Variants in EHBP1 observed in about 807,000 individuals in gnomAD.
The protein encoded by EHBP1 is EH domain binding protein 1, also known as EH domain-binding protein 1.
EHBP1 carries 55 observed loss-of-function variants against 144.0 expected under a neutral mutation model. The ratio of observed to expected loss-of-function variants is 0.38; its 90% CI spans 0.31 to 0.48. EHBP1 has a LOEUF of 0.48. Among genes scored for constraint, EHBP1 ranks in the 20% least tolerant of loss-of-function variants. The pLI is 0.98. For missense variants in EHBP1, 1,200 were observed against 1,364.2 expected (o/e 0.88, Z 1.90); for synonymous variants, 469 against 472.7 (o/e 0.99, Z 0.10).
chr2:62,820,742 ATATAT>A (rs2045910800), intron 5 of EHBP1, among the ~76,000 whole-genome samples: 7 of 45,388 alleles, frequency 1.5e-4, no homozygotes, highest in East Asian at 3.4e-3. Flanking sequence ...TGTATAATAT[ATATAT>A]ATATATATAT....
chr2:62,986,639 A>G (rs1035388135), intron 15 of EHBP1, among the ~76,000 whole-genome samples: 4 of 151,856 alleles, frequency 2.6e-5, no homozygotes, highest in African/African-American at 9.7e-5. Context: ...GGGTTTCACC[A>G]TGTTGGCCAG....
At chr2:62,938,469 T>G (rs952933326) in intron 10 of EHBP1, among the ~76,000 whole-genome samples, 10 of 152,120 alleles carry the variant, frequency 6.6e-5, no homozygotes, top group Admixed American at 2.6e-4. Context: ...TTTAAGAAAA[T>G]TTGCAAGTTA....
rs369331189 is a variant in EHBP1 at position 62,854,937 on chromosome 2, C to T, written c.635-4232C>T. 2.6e-5 allele frequency among the ~76,000 whole-genome samples: 4 copies of T among 152,286 alleles called. No homozygotes were observed. In the East Asian group the frequency reaches 7.7e-4, roughly 29 times the overall value. ...ATCTGCCCAAGCCGTGCTGCAGACC[C>T]AGGTACCCCTCTATTCTTGGACCCT... On this transcript the variant is annotated intron_variant, in intron 7 of 22. Transcript: ENST00000431489.
chr2:62,792,784 G>C (rs535453392), intron 5 of EHBP1, among the ~76,000 whole-genome samples: 1 of 152,112 alleles, frequency 6.6e-6, no homozygotes, highest in South Asian at 2.1e-4. Flanking sequence ...TATACTTAGA[G>C]TGAGATATTT....
rs556516172 is a variant in EHBP1 at position 62,764,123 on chromosome 2, A to G, written c.163-143A>G. ...GATTAAGCATTTTTGTTTCAGGGATACTACATAGGGTCAATATACCATTGT... is the reference window on the plus strand; with the variant it reads ...GATTAAGCATTTTTGTTTCAGGGATGCTACATAGGGTCAATATACCATTGT... On this transcript the variant is annotated intron_variant, in intron 3 of 22. Coordinates refer to ENST00000431489, the MANE Select transcript of EHBP1 (RefSeq NM_001142616.3). The G allele has an allele frequency of 2.9e-5, 16 of 546,556 alleles. 1 individual carries two copies. The highest frequency in any genetic ancestry group is 2.6e-4 in the African/African-American group (13 of 50,436). 33.9% of individuals were successfully genotyped at this position (546,556 alleles called of 1,614,324 possible).
At chr2:62,829,773 A>C (rs1173411016) in intron 6 of EHBP1, among the ~76,000 whole-genome samples, 2 of 147,254 alleles carry the variant, frequency 1.4e-5, no homozygotes, top group Non-Finnish European at 3.0e-5. Flanking sequence ...CATATATACT[A>C]TTATATATAT....
intron 14 of EHBP1, among the ~76,000 whole-genome samples, chr2:62,962,526 G>A (rs1054571333): frequency 2.0e-5 from 3 of 152,114 alleles, no homozygotes; most frequent in Non-Finnish European, 1.5e-5. Flanking sequence ...TACACTCTAA[G>A]CAAAATAAAG....
At chr2:62,786,150 T>C (rs569428178) in intron 5 of EHBP1, among the ~76,000 whole-genome samples, 109 of 152,352 alleles carry the variant, frequency 7.2e-4, no homozygotes, top group African/African-American at 2.5e-3. Context: ...GTTCTGGCTT[T>C]GAAATCTCTC....
intron 14 of EHBP1, among the ~76,000 whole-genome samples, chr2:62,970,053 C>T (rs1385923951): frequency 6.6e-6 from 1 of 150,620 alleles, no homozygotes; most frequent in Non-Finnish European, 1.5e-5. Flanking sequence ...TGAGTGGGCA[C>T]ACTTTGGTAA....
In EHBP1 at chr2:62,777,333, A is replaced by G. The variant is rs182909380; in HGVS notation, c.312+5941A>G. Among the ~76,000 whole-genome samples the G allele has an allele frequency of 7.9e-5, 12 of 152,340 alleles. No homozygotes were observed. In the East Asian group the frequency reaches 1.7e-3, roughly 22 times the overall value. Reference sequence around the variant, plus strand: ...TGATTCCACTGTTTTATTTTAATACATTAAAAGCATATTGATGAAAGGCAC... The same window carrying G: ...TGATTCCACTGTTTTATTTTAATACGTTAAAAGCATATTGATGAAAGGCAC... On this transcript the variant is annotated intron_variant, in intron 5 of 22. Transcript: ENST00000431489.
intron 10 of EHBP1, among the ~76,000 whole-genome samples, chr2:62,928,993 G>A (rs2055761347): frequency 6.6e-6 from 1 of 152,096 alleles, no homozygotes; most frequent in Non-Finnish European, 1.5e-5. Flanking sequence ...AGGTGAAATA[G>A]ACAAATTCCT....
At chr2:62,930,783 C>T (rs2055923669) in intron 10 of EHBP1, among the ~76,000 whole-genome samples, 1 of 152,028 alleles carries the variant, frequency 6.6e-6, no homozygotes, top group African/African-American at 2.4e-5. Flanking sequence ...GGAGAAAAGA[C>T]CATTTTTTCA....
chr2:63,002,415 A>C lies in EHBP1; in HGVS notation c.3103+5649A>C, dbSNP rs76738569. Among the ~76,000 whole-genome samples the C allele has an allele frequency of 3.9e-4, 60 of 152,238 alleles. No individual in the cohort carries two copies. In the East Asian group the frequency reaches 0.011, roughly 28 times the overall value. On this transcript the variant is annotated intron_variant, in intron 19 of 22. Coordinates refer to ENST00000431489, the MANE Select transcript of EHBP1 (RefSeq NM_001142616.3). Reference sequence around the variant, plus strand: ...GGAAAATGTGATCTTGATCTTTTTCAATACAAAAATGTAATCTCAGCTATT... The same window carrying C: ...GGAAAATGTGATCTTGATCTTTTTCCATACAAAAATGTAATCTCAGCTATT...
intron 1 of EHBP1, among the ~76,000 whole-genome samples, chr2:62,692,536 C>A (rs1298240401): frequency 1.3e-5 from 2 of 152,088 alleles, no homozygotes; most frequent in Admixed American, 6.5e-5. Flanking sequence ...CCTCATCAAC[C>A]CTTGTTATTG....
intron 19 of EHBP1, among the ~76,000 whole-genome samples, chr2:63,019,825 G>GGGGAGGGA (rs202105520): frequency 4.9e-5 from 3 of 61,574 alleles, no homozygotes; most frequent in African/African-American, 6.8e-5. Context: ...AAGGGAAGAG[G>GGGGAGGGA]GGGAGGGAAG....
chr2:62,882,324 T>C (rs1359216301), intron 10 of EHBP1, among the ~76,000 whole-genome samples: 1 of 152,196 alleles, frequency 6.6e-6, no homozygotes, highest in Non-Finnish European at 1.5e-5. Flanking sequence ...GGAAAAATGC[T>C]AAATGGAAAG....
intron 7 of EHBP1, 99 bp from the exon 8 acceptor site, chr2:62,859,070 G>C: frequency 8.7e-7 from 1 of 1,148,426 alleles, no homozygotes; most frequent in Non-Finnish European, 1.2e-6. Context: ...TTATTTGCAG[G>C]TATTATTCGT....
At chr2:62,829,637 ATAC>A (rs1311976702) in intron 6 of EHBP1, among the ~76,000 whole-genome samples, 1 of 146,778 alleles carries the variant, frequency 6.8e-6, no homozygotes, top group Non-Finnish European at 1.5e-5. Flanking sequence ...ATAATACATA[ATAC>A]TACTATATAT....
chr2:62,850,177 T>C (rs1386375781), intron 7 of EHBP1, among the ~76,000 whole-genome samples: 1 of 152,224 alleles, frequency 6.6e-6, no homozygotes, highest in Non-Finnish European at 1.5e-5. Context: ...CCTTGATCTC[T>C]GCCAGAAAGT....
Sources: gnomAD v4.1 joint callset for allele counts (sites outside exome capture counted in the v4.1 genomes callset) on GRCh38, gnomAD v4.1.1 for gene constraint, MANE v1.5 for transcripts, NCBI Gene and HGNC (gene_info 2026-07-23, HGNC 2026-07-21) for gene names.